Variants in XIRP2 observed in about 807,000 individuals in gnomAD.
XIRP2 encodes the protein xin actin binding repeat containing 2, also known as xin actin-binding repeat-containing protein 2.
In XIRP2, 236 loss-of-function variants were observed where a neutral mutation model predicts 277.0. The ratio of observed to expected loss-of-function variants is 0.85; its 90% confidence interval spans 0.77 to 0.95. The LOEUF is 0.95. Among genes scored for constraint, XIRP2 ranks in the 40% least tolerant of loss-of-function variants. The pLI is 0.00. For missense variants in XIRP2, 4,640 were observed against 4,157.5 expected (o/e 1.12, Z -3.19); for synonymous variants, 1,490 against 1,416.5 (o/e 1.05, Z -1.17).
rs75795216 is a variant in XIRP2 at position 166,931,174 on chromosome 2, T to C, written c.408+27284T>C. On this transcript the variant is annotated intron_variant, in intron 2 of 10. Coordinates refer to ENST00000409195, the MANE Select transcript of XIRP2 (RefSeq NM_152381.6). ...TAGGTCGATAGATTATATTATAATA[T>C]GAAGACTAAACAAAGGCCCTCGTAC... Among the ~76,000 whole-genome samples, 46 of 152,136 alleles carry C rather than the reference T, an allele frequency of 3.0e-4. No individual in the cohort carries two copies. The East Asian group carries it at 7.7e-3, about 26-fold the overall frequency.
At chr2:166,976,164 T>C (rs1317236966) in intron 2 of XIRP2, among the ~76,000 whole-genome samples, 2 of 152,248 alleles carry the variant, frequency 1.3e-5, no homozygotes, top group East Asian at 3.9e-4. Flanking sequence ...GGCCCAGATC[T>C]GCAATGGTGA....
At chr2:166,939,942 G>T (rs1303782802) in intron 2 of XIRP2, among the ~76,000 whole-genome samples, 1 of 151,934 alleles carries the variant, frequency 6.6e-6, no homozygotes, top group Non-Finnish European at 1.5e-5. Context: ...TGCTTTTCTT[G>T]AGGAGAATCT....
chr2:167,167,515 A>T (rs67386767), intron 3 of XIRP2, among the ~76,000 whole-genome samples: 41,417 of 151,860 alleles, frequency 0.27, 7,116 homozygotes, highest in African/African-American at 0.5. Flanking sequence ...TTTTTTTAGT[A>T]GTTGTTCTCA....
intron 2 of XIRP2, among the ~76,000 whole-genome samples, chr2:166,987,363 A>T (rs769356168): frequency 7.9e-5 from 12 of 152,308 alleles, no homozygotes; most frequent in Non-Finnish European, 8.8e-5. Context: ...CAATAACAGG[A>T]TAATCGTCTA....
chr2:167,075,672 G>T (rs1006115657), intron 2 of XIRP2, among the ~76,000 whole-genome samples: 1 of 151,678 alleles, frequency 6.6e-6, no homozygotes, highest in Admixed American at 6.6e-5. Flanking sequence ...TTTTAGTTTC[G>T]CTCTTGTCAC....
At chr2:167,189,909 G>C (rs1295508406) in intron 3 of XIRP2, among the ~76,000 whole-genome samples, 2 of 152,108 alleles carry the variant, frequency 1.3e-5, no homozygotes, top group African/African-American at 4.8e-5. Context: ...GAGTGCCCAG[G>C]CCACCAATCT....
chr2:166,895,221 A>T (rs1684212038), intron 1 of XIRP2, among the ~76,000 whole-genome samples: 1 of 152,204 alleles, frequency 6.6e-6, no homozygotes, highest in African/African-American at 2.4e-5. Context: ...TGACACTGCA[A>T]AACATTTTTA....
chr2:167,010,709 A>G (rs897367586), intron 2 of XIRP2, among the ~76,000 whole-genome samples: 3 of 152,112 alleles, frequency 2.0e-5, no homozygotes, highest in Admixed American at 6.6e-5. Flanking sequence ...TGGCCATGGA[A>G]TGTTCTTCCA....
At chr2:167,211,374 C>G (rs757773501) in intron 4 of XIRP2, among the ~76,000 whole-genome samples, 16 of 152,164 alleles carry the variant, frequency 1.1e-4, no homozygotes, top group Non-Finnish European at 1.9e-4. Flanking sequence ...GGATTACAGG[C>G]ATGAGCCACT....
At chr2:166,894,515 ATGCACTAATTG>A (rs1228650271) in intron 1 of XIRP2, among the ~76,000 whole-genome samples, 1 of 152,212 alleles carries the variant, frequency 6.6e-6, no homozygotes, top group Non-Finnish European at 1.5e-5. Context: ...CCTATTAAAA[ATGCACTAATTG>A]AGTTGCTCTT....
Position 167,248,361 on chromosome 2 carries a change from T to C in XIRP2, c.6969T>C (p.Asn2323=). The change falls in exon 9 of 11, where the codon AAT becomes AAC. Residue 2323 remains asparagine, a synonymous_variant. Coordinates refer to ENST00000409195, the MANE Select transcript of XIRP2 (RefSeq NM_152381.6). ...CTTTGATGATGTTTCCTGAAAAAAA[T>C]GGGTTTCTTCCCTCACTGTCCACAG... ...PPPLMMFPEK[N]GFLPSLSTEK... is the part of the protein sequence containing the mutation. 1 of 1,613,642 alleles carries C rather than the reference T, an allele frequency of 6.2e-7. No individual in the cohort carries two copies. Among genetic ancestry groups the C allele is most frequent in the Non-Finnish European group, 8.5e-7 (1 of 1,179,782 alleles).
At chr2:167,021,113 C>T (rs956975593) in intron 2 of XIRP2, among the ~76,000 whole-genome samples, 5 of 152,048 alleles carry the variant, frequency 3.3e-5, no homozygotes, top group South Asian at 4.2e-4. Flanking sequence ...AGCTCTAATT[C>T]GTATGCTTCT....
At position 167,085,685 on chromosome 2, in the gene XIRP2, T is replaced by C. The variant is rs1036197983; in HGVS notation, c.409-50224T>C. On this transcript the variant is annotated intron_variant, in intron 2 of 10. Transcript: ENST00000409195. ...GCTCTTGTTGTTGAATTGATCCCTT[T>C]ACCATTATGTAATGGCCTTCTTTGT... is the stretch of plus-strand genomic sequence containing the variant. Among the ~76,000 whole-genome samples the C allele has an allele frequency of 8.0e-3, 1,222 of 151,952 alleles. 7 individuals carry two copies. The highest frequency in any genetic ancestry group is 0.051 in the Middle Eastern group (15 of 294).
chr2:166,945,360 G>C (rs1685830039), intron 2 of XIRP2, among the ~76,000 whole-genome samples: 1 of 151,838 alleles, frequency 6.6e-6, no homozygotes, highest in Non-Finnish European at 1.5e-5. Context: ...ATCCGTTGTA[G>C]GACATTTTAA....
intron 2 of XIRP2, among the ~76,000 whole-genome samples, chr2:167,064,077 C>T (rs1300812029): frequency 6.6e-6 from 1 of 151,512 alleles, no homozygotes; most frequent in Non-Finnish European, 1.5e-5. Context: ...TTTATAAAGT[C>T]TGTTGTATTT....
chr2:167,039,565 G>T (rs1688607349), intron 2 of XIRP2, among the ~76,000 whole-genome samples: 1 of 152,116 alleles, frequency 6.6e-6, no homozygotes, highest in Non-Finnish European at 1.5e-5. Flanking sequence ...GTATGAATGA[G>T]TACACACACA....
intron 3 of XIRP2, among the ~76,000 whole-genome samples, chr2:167,142,026 C>G (rs1018295443): frequency 6.6e-6 from 1 of 152,084 alleles, no homozygotes; most frequent in Non-Finnish European, 1.5e-5. Flanking sequence ...GGAAACATAC[C>G]GCAGTAAAAT....
intron 5 of XIRP2, among the ~76,000 whole-genome samples, chr2:167,231,300 A>G (rs1156488995): frequency 6.6e-6 from 1 of 152,048 alleles, no homozygotes; most frequent in Non-Finnish European, 1.5e-5. Context: ...TCAGTATAAC[A>G]GCAACTCTTT....
chr2:167,171,253 A>G (rs1692682299), intron 3 of XIRP2, among the ~76,000 whole-genome samples: 2 of 152,170 alleles, frequency 1.3e-5, no homozygotes, highest in Admixed American at 1.3e-4. Flanking sequence ...AGTTACTGCT[A>G]CAACTGCATT....
Sources: allele counts gnomAD v4.1 joint callset (sites outside exome capture counted in the v4.1 genomes callset), GRCh38; gene constraint gnomAD v4.1.1; transcripts MANE v1.5; gene names NCBI Gene and HGNC (gene_info 2026-07-23, HGNC 2026-07-21).